The following RPF2 variants were observed in gnomAD, a reference collection of about 807,000 sequenced individuals.
The protein encoded by RPF2 is brix domain containing 1.
Under a neutral mutation model 38.9 loss-of-function variants are expected in RPF2, and 21 were observed. The ratio of observed to expected loss-of-function variants is 0.54; its 90% CI spans 0.38 to 0.78. The LOEUF (loss-of-function observed/expected upper bound fraction) is 0.78, where lower values mean the gene tolerates loss of function less well. RPF2 is among the 30% of genes least tolerant of loss of function. The probability of loss-of-function intolerance (pLI) is 0.00; values close to 1 mark genes in which losing one functional copy is unlikely to be tolerated. For synonymous variants in RPF2, 121 were observed against 126.2 expected, an observed-to-expected ratio of 0.96 and a Z score of 0.28; for missense variants, 314 against 358.1, an observed-to-expected ratio of 0.88 and a Z score of 0.99.
intron 8 of RPF2, among the ~76,000 whole-genome samples, chr6:111,020,371 G>A (rs1436565821): frequency 6.6e-6 from 1 of 152,102 alleles, no homozygotes; most frequent in Non-Finnish European, 1.5e-5. Flanking sequence ...ACATAGAGGG[G>A]ATACAAGGGA....
At chr6:110,986,289 T>A (rs1169073827) in intron 2 of RPF2, among the ~76,000 whole-genome samples, 1 of 152,154 alleles carries the variant, frequency 6.6e-6, no homozygotes, top group Non-Finnish European at 1.5e-5. Context: ...TTGGCTTGAT[T>A]AGAGAGGGTT....
chr6:111,002,838 G>A (rs1771833899), intron 6 of RPF2, among the ~76,000 whole-genome samples: 1 of 151,112 alleles, frequency 6.6e-6, no homozygotes, highest in Non-Finnish European at 1.5e-5. Context: ...GCATGATCTC[G>A]GCTCACTACA....
chr6:111,012,057 A>G (rs9384782), intron 7 of RPF2, among the ~76,000 whole-genome samples: 19,167 of 148,402 alleles, frequency 0.13, 1,697 homozygotes, highest in East Asian at 0.49. Context: ...AAGGGCTTTC[A>G]TTTAGGAAGT....
intron 1 of RPF2, chr6:110,982,576 T>G (rs1347101070): frequency 6.0e-6 from 1 of 167,284 alleles, no homozygotes; most frequent in African/African-American, 2.4e-5. Context: ...CATAGAGCTG[T>G]GAGGGTTAGT....
chr6:111,008,017 G>GTT, intron 6 of RPF2, 21 bp from the exon 7 acceptor site: 1 of 1,213,556 alleles, frequency 8.2e-7, no homozygotes, highest in South Asian at 1.5e-5. Context: ...TTATATAATT[G>GTT]CTTTTTTTTT....
rs1162505259 is a variant in RPF2 at position 110,982,103 on chromosome 6, A to T, written c.-4A>T. On this transcript the variant is annotated 5_prime_UTR_variant, in exon 1 of 10. Transcript: ENST00000441448. ...CTGGTTAAGAGTTGCAGGTAGCGGTAGCGATGGACACTCTGGATCGAGTAG... is the reference window on the plus strand; with the variant it reads ...CTGGTTAAGAGTTGCAGGTAGCGGTTGCGATGGACACTCTGGATCGAGTAG... The T allele has an allele frequency of 6.2e-7, 1 of 1,614,104 alleles. No homozygotes were observed. The highest frequency in any genetic ancestry group is 1.3e-5 in the African/African-American group (1 of 74,948).
At chr6:111,009,147 C>T (rs1771969317) in intron 7 of RPF2, among the ~76,000 whole-genome samples, 1 of 152,132 alleles carries the variant, frequency 6.6e-6, no homozygotes, top group Non-Finnish European at 1.5e-5. Context: ...GCTCCACCTC[C>T]CGGGTTCACA....
At position 111,022,593 on chromosome 6, in the gene RPF2, A is replaced by C. The variant is rs577893514; in HGVS notation, c.597-1590A>C. On this transcript the variant is annotated intron_variant, in intron 8 of 9. Coordinates refer to ENST00000441448, the MANE Select transcript of RPF2 (RefSeq NM_032194.3). ...TTTGGAAATCTTAATTTTATGTACC[A>C]CTCAAAAAATTCATTAGGACGCTTG... is the stretch of plus-strand genomic sequence containing the variant. Among the ~76,000 whole-genome samples, 4 of 149,320 alleles carry C rather than the reference A, an allele frequency of 2.7e-5. No individual in the cohort carries two copies. In the South Asian group the frequency reaches 6.4e-4, roughly 24 times the overall value.
chr6:111,013,476 A>G lies in RPF2; in HGVS notation c.494-2278A>G, dbSNP rs182765613. ...GAAATTTCAGTTTGGCAGTTAAGAG[A>G]AAATGTTGTAATAAAAGGATGGCTG... On this transcript the variant is annotated intron_variant, in intron 7 of 9. Transcript: ENST00000441448. Among the ~76,000 whole-genome samples, 5 of 152,344 alleles carry G rather than the reference A, an allele frequency of 3.3e-5. No individual in the cohort carries two copies. The East Asian group carries it at 9.6e-4, about 29-fold the overall frequency.
chr6:111,007,025 G>C (rs1771921417), intron 6 of RPF2, among the ~76,000 whole-genome samples: 1 of 152,060 alleles, frequency 6.6e-6, no homozygotes, highest in African/African-American at 2.4e-5. Flanking sequence ...TGGGCAGCAA[G>C]AGTGAAAGTC....
intron 8 of RPF2, among the ~76,000 whole-genome samples, chr6:111,021,681 TATAAG>T (rs1772237299): frequency 6.6e-6 from 1 of 152,222 alleles, no homozygotes; most frequent in South Asian, 2.1e-4. Context: ...AGTACTGCTT[TATAAG>T]AGTAAAGGGG....
At chr6:110,987,641 A>T (rs1228469503) in intron 2 of RPF2, among the ~76,000 whole-genome samples, 1 of 152,230 alleles carries the variant, frequency 6.6e-6, no homozygotes, top group Non-Finnish European at 1.5e-5. Context: ...TATTACACGG[A>T]AACAGGGAAA....
rs147149680 is a variant in RPF2, at chr6:110,994,727, G to GTATATATATATATATATATATATA, written c.235-2448_235-2447insTATATATATATATATATATATATA. On this transcript the variant is annotated intron_variant, in intron 4 of 9. Transcript: ENST00000441448. ...GCAGACTTTGTGGAGAATGGGATGA[G>GTATATATATATATATATATATATA]TATATATACACACACACACACACAC... Among the ~76,000 whole-genome samples the GTATATATATATATATATATATATA allele has an allele frequency of 8.8e-4, 94 of 107,302 alleles. 1 individual carries two copies. Among genetic ancestry groups the GTATATATATATATATATATATATA allele is most frequent in the Middle Eastern group, 4.4e-3 (1 of 226 alleles). The allele number at this position is 107,302 out of a possible 152,430, so 70.4% of individuals were successfully genotyped here.
intron 1 of RPF2, among the ~76,000 whole-genome samples, chr6:110,984,196 C>T (rs1299686868): frequency 3.3e-5 from 5 of 152,062 alleles, no homozygotes; most frequent in Non-Finnish European, 7.4e-5. Flanking sequence ...TGTATACTTC[C>T]TGGCAGGCAT....
chr6:111,024,136 C>G, intron 8 of RPF2, 47 bp from the exon 9 acceptor site: 1 of 1,523,532 alleles, frequency 6.6e-7, no homozygotes, highest in Non-Finnish European at 8.8e-7. Flanking sequence ...GTGGAGAGGA[C>G]TTTTATGAAA....
In RPF2 at chr6:111,026,733, G is replaced by A. The variant is rs931487759; in HGVS notation, c.*1151G>A. 2.0e-5 allele frequency: 3 copies of A among 152,140 alleles called. No homozygotes were observed. The highest frequency in any genetic ancestry group is 4.4e-5 in the Non-Finnish European group (3 of 68,026). The allele number at this position is 152,140 out of a possible 1,614,324, so 9.4% of individuals were successfully genotyped here. A position where few individuals can be genotyped will look rare whatever the true frequency, so the allele number is the denominator to read the frequency against. Reference sequence around the variant, plus strand: ...AGAAGCTTTCTTCTTCCTTCTACTAGTATTGCATACTTGTTTTTCTGGAAT... The same window carrying A: ...AGAAGCTTTCTTCTTCCTTCTACTAATATTGCATACTTGTTTTTCTGGAAT... On this transcript the variant is annotated 3_prime_UTR_variant, in exon 10 of 10. Coordinates refer to ENST00000441448, the MANE Select transcript of RPF2 (RefSeq NM_032194.3).
intron 8 of RPF2, among the ~76,000 whole-genome samples, chr6:111,022,757 T>C (rs1772256369): frequency 6.6e-6 from 1 of 152,240 alleles, no homozygotes. Flanking sequence ...CAGTGTATAG[T>C]AGTACTTGGG....
chr6:110,982,502 G>A lies in RPF2; in HGVS notation c.23+373G>A, dbSNP rs1485982349. The A allele has an allele frequency of 2.2e-5, 6 of 272,648 alleles. No individual in the cohort carries two copies. The East Asian group carries it at 4.8e-4, about 22-fold the overall frequency. The allele number at this position is 272,648 out of a possible 1,614,324, so 16.9% of individuals were successfully genotyped here. A position where few individuals can be genotyped will look rare whatever the true frequency, so the allele number is the denominator to read the frequency against. ...CGTCCACTTAAAGCTTTGTGACTTT[G>A]GGTCATTAAATATCTCTAAATCTTA... On this transcript the variant is annotated intron_variant, in intron 1 of 9. Coordinates refer to ENST00000441448, the MANE Select transcript of RPF2 (RefSeq NM_032194.3).
At chr6:111,021,850 C>T (rs1232390386) in intron 8 of RPF2, among the ~76,000 whole-genome samples, 1 of 152,268 alleles carries the variant, frequency 6.6e-6, no homozygotes, top group Admixed American at 6.5e-5. Context: ...AATATTCACA[C>T]ACTTTATTTG....
Sources: allele counts gnomAD v4.1 joint callset (sites outside exome capture counted in the v4.1 genomes callset), GRCh38; gene constraint gnomAD v4.1.1; transcripts MANE v1.5; gene names NCBI Gene and HGNC (gene_info 2026-07-23, HGNC 2026-07-21).